The following ANXA2 variants were observed in gnomAD, a reference collection of about 807,000 sequenced individuals.
ANXA2 encodes the protein annexin A2.
Under a neutral mutation model 47.3 loss-of-function variants are expected in ANXA2, and 28 were observed. The observed-to-expected ratio is 0.59, with a 90% CI of 0.44 to 0.81. ANXA2 has a LOEUF of 0.81. Ranked by LOEUF, ANXA2 falls within the 40% of genes least tolerant of loss-of-function variation. The pLI, the probability that ANXA2 is intolerant of heterozygous loss-of-function variation, is 0.00. For synonymous variants in ANXA2, 172 were observed against 155.5 expected, an observed-to-expected ratio of 1.11 and a Z score of -0.79; for missense variants, 384 against 414.3, an observed-to-expected ratio of 0.93 and a Z score of 0.64.
chr15:60,366,559 C>CCT (rs1211992211), intron 3 of ANXA2, among the ~76,000 whole-genome samples: 1 of 149,648 alleles, frequency 6.7e-6, no homozygotes, highest in Admixed American at 6.6e-5. Context: ...GTGAGGAAAC[C>CCT]CTCTGCCTGG....
chr15:60,356,752 T>C (rs540319221), intron 6 of ANXA2, among the ~76,000 whole-genome samples: 1 of 152,344 alleles, frequency 6.6e-6, no homozygotes, highest in African/African-American at 2.4e-5. Context: ...CAGGGGTCTC[T>C]TGCTGTAATT....
intron 5 of ANXA2, among the ~76,000 whole-genome samples, chr15:60,359,124 T>C (rs1453265086): frequency 6.6e-6 from 1 of 152,200 alleles, no homozygotes; most frequent in Admixed American, 6.5e-5. Flanking sequence ...TCAAGCTTTA[T>C]GGATTTTGGA....
In ANXA2 at chr15:60,352,976, G is replaced by T. The variant is rs1166081331; in HGVS notation, c.589-500C>A. Among the ~76,000 whole-genome samples, 1 of 152,104 alleles carries T rather than the reference G, an allele frequency of 6.6e-6. No homozygotes were observed. Among genetic ancestry groups the T allele is most frequent in the African/African-American group, 2.4e-5 (1 of 41,422 alleles). ...CTGGAAAATTTAGGGGCTACAAGTA[G>T]CCCTAACAATGGCAGGGAGGGCAAG... On this transcript the variant is annotated intron_variant, in intron 8 of 12. Transcript: ENST00000451270. The surrounding 1 kb of genome is among the most constrained non-coding windows in gnomAD (Gnocchi z 4.2).
rs867753052 is a variant in ANXA2 at position 60,351,379 on chromosome 15, T to A, written c.779-128A>T. The A allele has an allele frequency of 1.7e-5, 15 of 894,294 alleles. No individual in the cohort carries two copies. The African/African-American group carries it at 2.3e-4, about 14-fold the overall frequency. 55.4% of individuals were successfully genotyped at this position (894,294 alleles called of 1,614,324 possible). A position where few individuals can be genotyped will look rare whatever the true frequency, so the allele number is the denominator to read the frequency against. On this transcript the variant is annotated intron_variant, in intron 10 of 12. Transcript: ENST00000451270. Reference sequence around the variant, plus strand: ...AATGCAATGGAAAAGGGCTGCAAAATAGGACAGGCTAAGGGAAATCTAGAA... The same window carrying A: ...AATGCAATGGAAAAGGGCTGCAAAAAAGGACAGGCTAAGGGAAATCTAGAA...
rs1219929053 is a variant in ANXA2 at position 60,352,073 on chromosome 15, C to A, written c.683-254G>T. On this transcript the variant is annotated intron_variant, in intron 9 of 12. Coordinates refer to ENST00000451270, the MANE Select transcript of ANXA2 (RefSeq NM_004039.3). The surrounding 1 kb of genome is among the most constrained non-coding windows in gnomAD (Gnocchi z 4.2). ...ATCTCTATCTCCCCTGAGTGGAACC[C>A]ATTCCATCCGAAAACCATAGGAAAC... Among the ~76,000 whole-genome samples, 1 of 152,168 alleles carries A rather than the reference C, an allele frequency of 6.6e-6. No homozygotes were observed. Among genetic ancestry groups the A allele is most frequent in the Non-Finnish European group, 1.5e-5 (1 of 68,020 alleles).
Position 60,354,231 on chromosome 15 carries a change from A to G in ANXA2, c.529-18T>C. ...CTTCTACCCTATGGGGGAAAGAAAA[A>G]GAACTTCAAATACATTTCTTTGTGT... On this transcript the variant is annotated intron_variant, in intron 7 of 12. Transcript: ENST00000451270. 6.3e-7 allele frequency: 1 copy of G among 1,591,336 alleles called. No individual in the cohort carries two copies. The highest frequency in any genetic ancestry group is 8.6e-7 in the Non-Finnish European group (1 of 1,164,674).
intron 3 of ANXA2, among the ~76,000 whole-genome samples, chr15:60,379,983 T>C (rs561307960): frequency 7.2e-5 from 11 of 152,330 alleles, no homozygotes; most frequent in African/African-American, 2.2e-4. Flanking sequence ...CTTTGTCCCA[T>C]GCTTGTGAAA....
At chr15:60,396,114 T>C (rs2063076964) in intron 1 of ANXA2, 1 of 152,198 alleles carries the variant, frequency 6.6e-6, no homozygotes, top group African/African-American at 2.4e-5. Context: ...TTATTATGTA[T>C]TTATTTTTTG....
chr15:60,388,681 C>A (rs990945548), intron 1 of ANXA2, among the ~76,000 whole-genome samples: 1 of 150,162 alleles, frequency 6.7e-6, no homozygotes, highest in Admixed American at 6.6e-5. Context: ...GCAATCCCTC[C>A]GCCTTAGCCT....
In ANXA2 at chr15:60,352,378, C is replaced by T; in HGVS notation, c.682+5G>A. On this transcript the variant is annotated splice_donor_5th_base_variant and intron_variant, in intron 9 of 12. Coordinates refer to ENST00000451270, the MANE Select transcript of ANXA2 (RefSeq NM_004039.3). This position sits in a 1 kb window ranked among gnomAD's most constrained non-coding sequence, Gnocchi z 4.2. ...GCACTGAGACTCCCTCAGCACAGTG[C>T]CCACCTTTCTGGAGGTGGGGCACGC... 7 of 1,611,740 alleles carry T rather than the reference C, an allele frequency of 4.3e-6. No homozygotes were observed. The highest frequency in any genetic ancestry group is 2.7e-5 in the African/African-American group (2 of 74,982).
intron 3 of ANXA2, among the ~76,000 whole-genome samples, chr15:60,372,821 G>C (rs2062728453): frequency 6.6e-6 from 1 of 151,190 alleles, no homozygotes; most frequent in Non-Finnish European, 1.5e-5. Flanking sequence ...AACCTCCTGA[G>C]TAGCTGGAAG....
intron 3 of ANXA2, among the ~76,000 whole-genome samples, chr15:60,380,804 C>CA (rs61570476): frequency 0.29 from 17,945 of 60,910 alleles, 2,638 homozygotes; most frequent in African/African-American, 0.39. Context: ...AACTCCATCT[C>CA]AAAAAAAAAA....
At chr15:60,364,558 A>G (rs1413532019) in intron 3 of ANXA2, 35 bp from the exon 4 acceptor site, 1 of 1,536,742 alleles carries the variant, frequency 6.5e-7, no homozygotes, top group Non-Finnish European at 8.9e-7. Context: ...GTTACTCAGT[A>G]TACTCTAGTA....
chr15:60,387,907 C>T (rs1354780360), intron 1 of ANXA2, among the ~76,000 whole-genome samples: 3 of 152,082 alleles, frequency 2.0e-5, no homozygotes, highest in Admixed American at 6.5e-5. Flanking sequence ...TGAAGACAAT[C>T]GGCCGGGTGC....
rs755428265 is a variant in ANXA2, at chr15:60,368,927, G to GT, written c.149-4405dup. Among the ~76,000 whole-genome samples the GT allele has an allele frequency of 6.0e-4, 92 of 152,232 alleles. 1 individual carries two copies. The highest frequency in any genetic ancestry group is 8.7e-4 in the Non-Finnish European group (59 of 68,024). On this transcript the variant is annotated intron_variant, in intron 3 of 12. Coordinates refer to ENST00000451270, the MANE Select transcript of ANXA2 (RefSeq NM_004039.3). ...TAATTCTCTTCAGTTTCCAAACATC[G>GT]TAAGACAAGCTATGTTATTTAATCC...
chr15:60,385,482 CT>C (rs2062920591), intron 2 of ANXA2: 1 of 152,364 alleles, frequency 6.6e-6, no homozygotes. Context: ...AGGAGAATTG[CT>C]TGAACCCAGG....
At chr15:60,372,678 C>G (rs761049326) in intron 3 of ANXA2, among the ~76,000 whole-genome samples, 5 of 150,922 alleles carry the variant, frequency 3.3e-5, no homozygotes, top group Non-Finnish European at 7.4e-5. Context: ...TTGTATTCAG[C>G]TCAACAATCT....
At chr15:60,348,608 G>A (rs1194026380) in intron 12 of ANXA2, among the ~76,000 whole-genome samples, 1 of 152,024 alleles carries the variant, frequency 6.6e-6, no homozygotes, top group Non-Finnish European at 1.5e-5. Context: ...AGCCGGGTGT[G>A]GTGGCGGGCG....
chr15:60,394,998 A>C (rs949363069), intron 1 of ANXA2, among the ~76,000 whole-genome samples: 3 of 152,232 alleles, frequency 2.0e-5, no homozygotes, highest in African/African-American at 7.2e-5. Flanking sequence ...CATGTGAAAA[A>C]AAAGAGGAAC....
Sources: gnomAD v4.1 joint callset for allele counts (sites outside exome capture counted in the v4.1 genomes callset) on GRCh38, gnomAD v4.1.1 for gene constraint, Gnocchi (gnomAD v3.1) non-coding constraint, MANE v1.5 for transcripts, NCBI Gene and HGNC (gene_info 2026-07-23, HGNC 2026-07-21) for gene names.